HMCN1: variants seen among roughly 807,000 people sequenced by gnomAD.
HMCN1 encodes the protein hemicentin-1.
In HMCN1, 321 loss-of-function variants were observed where a neutral mutation model predicts 625.9. The observed-to-expected ratio is 0.51, with a 90% CI of 0.47 to 0.56. The LOEUF (loss-of-function observed/expected upper bound fraction) is 0.56. Ranked by LOEUF, HMCN1 falls within the 20% of genes least tolerant of loss-of-function variation. The probability of loss-of-function intolerance (pLI) is 0.00; values close to 1 mark genes in which losing one functional copy is unlikely to be tolerated. For synonymous variants in HMCN1, 2,425 were observed against 2,417.6 expected, an observed-to-expected ratio of 1.00 and a Z score of -0.09; for missense variants, 6,588 against 6,887.3, an observed-to-expected ratio of 0.96 and a Z score of 1.54.
intron 38 of HMCN1, 55 bp downstream of exon 38, chr1:186,039,060 T>A: frequency 1.7e-6 from 2 of 1,159,322 alleles, no homozygotes; most frequent in Non-Finnish European, 2.6e-6. Context: ...TCAAAATGAT[T>A]AAGTGCTTCT....
chr1:185,816,358 T>C (rs1659846077), intron 1 of HMCN1, among the ~76,000 whole-genome samples: 1 of 152,184 alleles, frequency 6.6e-6, no homozygotes, highest in Admixed American at 6.5e-5. Flanking sequence ...GGGATGTTTG[T>C]AATATTTAAA....
chr1:186,157,727 G>A (rs184702501), intron 97 of HMCN1, among the ~76,000 whole-genome samples: 28 of 152,288 alleles, frequency 1.8e-4, no homozygotes, highest in South Asian at 1.7e-3. Flanking sequence ...TACTGAGAAT[G>A]ATGATTTCCA....
intron 2 of HMCN1, among the ~76,000 whole-genome samples, chr1:185,857,465 T>TTG (rs34112345): frequency 0.26 from 38,986 of 148,680 alleles, 5,220 homozygotes; most frequent in Non-Finnish European, 0.31. Flanking sequence ...TACCTTTCAT[T>TTG]TGTGTGTGTG....
intron 25 of HMCN1, among the ~76,000 whole-genome samples, chr1:185,997,810 CTTTT>C (rs71691991): frequency 0.014 from 1,998 of 142,300 alleles, 53 homozygotes; most frequent in African/African-American, 0.047. Context: ...TTATTTCATT[CTTTT>C]TTTTTTTTTG....
At chr1:186,144,829 G>T (rs949220682) in intron 91 of HMCN1, 126 bp downstream of exon 91, 14 of 1,126,206 alleles carry the variant, frequency 1.2e-5, no homozygotes, top group Non-Finnish European at 1.8e-5. Flanking sequence ...TCAGAATGTT[G>T]TAAGGTTGCT....
chr1:186,031,948 ATC>A (rs1655475056), intron 36 of HMCN1, among the ~76,000 whole-genome samples: 1 of 152,012 alleles, frequency 6.6e-6, no homozygotes, highest in African/African-American at 2.4e-5. Context: ...ATCCCTCAAT[ATC>A]CACAGGGGAT....
chr1:185,957,142 T>C (rs1649687552), intron 11 of HMCN1: 1 of 152,264 alleles, frequency 6.6e-6, no homozygotes, highest in African/African-American at 2.4e-5. Flanking sequence ...TGTCATTATG[T>C]AAGTACTTTC....
At chr1:185,889,704 C>T (rs1204734857) in intron 4 of HMCN1, among the ~76,000 whole-genome samples, 7 of 139,810 alleles carry the variant, frequency 5.0e-5, no homozygotes, top group African/African-American at 9.5e-5. Flanking sequence ...CTGCTGGATT[C>T]GGTTTGCCAG....
At chr1:186,168,577 TG>T (rs1485410908) in intron 100 of HMCN1, among the ~76,000 whole-genome samples, 2 of 152,054 alleles carry the variant, frequency 1.3e-5, no homozygotes, top group Non-Finnish European at 2.9e-5. Flanking sequence ...ATTGGCAATC[TG>T]GAATGTAAGG....
At chr1:185,997,564 A>G (rs751288724) in intron 25 of HMCN1, 40 bp downstream of exon 25, 2 of 1,372,256 alleles carry the variant, frequency 1.5e-6, no homozygotes, top group Non-Finnish European at 2.1e-6. Flanking sequence ...GCATAATGTT[A>G]TATGGTTTCA....
At chr1:186,138,226 A>G (rs1198957591) in intron 89 of HMCN1, among the ~76,000 whole-genome samples, 1 of 152,192 alleles carries the variant, frequency 6.6e-6, no homozygotes, top group Non-Finnish European at 1.5e-5. Flanking sequence ...GTATTTCTCA[A>G]TCACGTAAAG....
chr1:186,093,370 CACT>C (rs1223732337), intron 65 of HMCN1, 112 bp downstream of exon 65: 2 of 1,577,732 alleles, frequency 1.3e-6, no homozygotes, highest in Admixed American at 3.3e-5. Flanking sequence ...TTGATGCCAC[CACT>C]ATTTCCTTTT....
chr1:185,996,850 G>T (rs1468478513), intron 24 of HMCN1, among the ~76,000 whole-genome samples: 2 of 152,110 alleles, frequency 1.3e-5, no homozygotes, highest in Non-Finnish European at 2.9e-5. Context: ...ACTTAGGAAA[G>T]AACAGGTCTG....
intron 2 of HMCN1, among the ~76,000 whole-genome samples, chr1:185,860,381 A>T (rs1484959183): frequency 6.6e-6 from 1 of 152,184 alleles, no homozygotes; most frequent in Admixed American, 6.5e-5. Flanking sequence ...ATAGCAGGAA[A>T]AATATAATTA....
intron 40 of HMCN1, among the ~76,000 whole-genome samples, chr1:186,041,384 T>G (rs922201737): frequency 4.6e-5 from 7 of 152,166 alleles, no homozygotes; most frequent in Non-Finnish European, 7.3e-5. Context: ...TAGAGTACTC[T>G]GAAAACCATG....
intron 63 of HMCN1, among the ~76,000 whole-genome samples, chr1:186,089,597 G>T (rs757055474): frequency 6.6e-5 from 10 of 151,972 alleles, no homozygotes; most frequent in Non-Finnish European, 1.3e-4. Flanking sequence ...GTCAGAAGTT[G>T]CATATTGAAT....
intron 11 of HMCN1, among the ~76,000 whole-genome samples, chr1:185,937,055 A>G (rs1424381397): frequency 6.6e-6 from 1 of 152,234 alleles, no homozygotes; most frequent in East Asian, 1.9e-4. Context: ...AAGTAGAAAT[A>G]CTGAGGAACA....
intron 1 of HMCN1, among the ~76,000 whole-genome samples, chr1:185,744,063 A>C (rs1293043390): frequency 7.3e-6 from 1 of 136,838 alleles, no homozygotes; most frequent in Non-Finnish European, 1.5e-5. Context: ...ATCTCGGCTC[A>C]CTGCAAGCTC....
At chr1:185,960,441 A>G (rs1212951075) in intron 11 of HMCN1, among the ~76,000 whole-genome samples, 1 of 152,056 alleles carries the variant, frequency 6.6e-6, no homozygotes, top group Non-Finnish European at 1.5e-5. Context: ...CAGCAGGAAT[A>G]TTCTAAGGCA....
Sources: allele counts gnomAD v4.1 joint callset (sites outside exome capture counted in the v4.1 genomes callset), GRCh38; gene constraint gnomAD v4.1.1; transcripts MANE v1.5; gene names NCBI Gene and HGNC (gene_info 2026-07-23, HGNC 2026-07-21).